Variants in LGR6 observed in about 807,000 individuals in gnomAD.
LGR6 encodes leucine rich repeat containing G protein-coupled receptor 6.
Under a neutral mutation model 69.4 loss-of-function variants are expected in LGR6, and 45 were observed. That is an observed-to-expected ratio of 0.65 (90% CI 0.51 to 0.83). LGR6 has a LOEUF of 0.83. LGR6 is among the 40% of genes least tolerant of loss of function. LGR6 has a pLI of 0.00. For synonymous variants in LGR6, 538 were observed against 555.0 expected, an observed-to-expected ratio of 0.97 and a Z score of 0.43; for missense variants, 1,108 against 1,246.7, an observed-to-expected ratio of 0.89 and a Z score of 1.68.
chr1:202,270,489 A>C (rs1003563931), intron 4 of LGR6, among the ~76,000 whole-genome samples: 1 of 151,966 alleles, frequency 6.6e-6, no homozygotes, highest in Non-Finnish European at 1.5e-5. Context: ...TGATCTGCCC[A>C]CCTCAGCCTC....
In LGR6 at chr1:202,309,260, T is replaced by C. The variant is rs527942786; in HGVS notation, c.1406+84T>C. On this transcript the variant is annotated intron_variant, in intron 15 of 17. Transcript: ENST00000367278. ...GAGAGAAAGCCAGATGGCCCCACCCTGAGAAGAGCCTAGAGGCTTAGGGTT... is the reference window on the plus strand; with the variant it reads ...GAGAGAAAGCCAGATGGCCCCACCCCGAGAAGAGCCTAGAGGCTTAGGGTT... The C allele has an allele frequency of 3.2e-5, 49 of 1,531,212 alleles. 1 individual carries two copies. The South Asian group carries it at 5.9e-4, about 19-fold the overall frequency. The allele number at this position is 1,531,212 out of a possible 1,614,324, so 94.9% of individuals were successfully genotyped here. A position where few individuals can be genotyped will look rare whatever the true frequency, so the allele number is the denominator to read the frequency against.
At chr1:202,309,557 C>T (rs1653546778) in intron 15 of LGR6, among the ~76,000 whole-genome samples, 1 of 152,266 alleles carries the variant, frequency 6.6e-6, no homozygotes, top group Non-Finnish European at 1.5e-5. Context: ...GCCCAGGACA[C>T]TGATGGGTGG....
chr1:202,310,158 A>G, intron 15 of LGR6, 39 bp from the exon 16 acceptor site: 1 of 1,609,024 alleles, frequency 6.2e-7, no homozygotes, highest in Non-Finnish European at 8.5e-7. Context: ...GACCCCAAAG[A>G]TGCTGAGGCA....
chr1:202,277,672 G>A (rs116109161), intron 5 of LGR6, among the ~76,000 whole-genome samples: 2,122 of 152,212 alleles, frequency 0.014, 51 homozygotes, highest in African/African-American at 0.048. Flanking sequence ...AAAAAACTGT[G>A]AGATATAGCC....
chr1:202,206,043 T>C (rs1013927504), intron 1 of LGR6, among the ~76,000 whole-genome samples: 1 of 151,974 alleles, frequency 6.6e-6, no homozygotes, highest in Non-Finnish European at 1.5e-5. Context: ...CTGTAAACAG[T>C]TCCAGTGTAT....
rs1335856819 is a variant in LGR6 at position 202,318,248 on chromosome 1, G to T, written c.1945G>T (p.Ala649Ser). ...GLGCRATGFL[A>S]VLGSEASVLL... is the part of the protein sequence containing the mutation. The stretch of plus-strand genomic sequence containing the variant: ...AGGCTGCCGGGCCACTGGCTTCCTG[G>T]CAGTACTTGGGTCGGAGGCATCGGT... The change falls in exon 18 of 18, where the codon GCA becomes TCA. Residue 649 changes from alanine (A) to serine (S), a missense_variant. Ala to Ser is a moderately conservative substitution (Grantham distance 99). Coordinates refer to ENST00000367278, the MANE Select transcript of LGR6 (RefSeq NM_001017403.2). The T allele has an allele frequency of 6.2e-7, 1 of 1,611,282 alleles. No individual in the cohort carries two copies.
At chr1:202,213,842 C>A (rs1165105835) in intron 1 of LGR6, among the ~76,000 whole-genome samples, 1 of 152,124 alleles carries the variant, frequency 6.6e-6, no homozygotes, top group Non-Finnish European at 1.5e-5. Flanking sequence ...GCAGTCTGAC[C>A]CCAGAGCCAC....
intron 17 of LGR6, among the ~76,000 whole-genome samples, chr1:202,316,145 G>A (rs183716823): frequency 4.6e-5 from 7 of 152,274 alleles, no homozygotes; most frequent in African/African-American, 7.2e-5. Context: ...AGTCCGCTTC[G>A]TGTTGCTATA....
Position 202,209,169 on chromosome 1 carries a change from G to C in LGR6, c.212+14968G>C, listed in dbSNP as rs143023319. ...CCTCCTATTTTGGCCAGAGGGGAGAGAGCCCAAAGCTAACCCCTTCTTTGT... is the reference window on the plus strand; with the variant it reads ...CCTCCTATTTTGGCCAGAGGGGAGACAGCCCAAAGCTAACCCCTTCTTTGT... On this transcript the variant is annotated intron_variant, in intron 1 of 17. Transcript: ENST00000367278. Among the ~76,000 whole-genome samples, 661 of 152,236 alleles carry C rather than the reference G, an allele frequency of 4.3e-3. 3 individuals carry two copies. Among genetic ancestry groups the C allele is most frequent in the South Asian group, 0.021 (99 of 4,822 alleles).
intron 6 of LGR6, among the ~76,000 whole-genome samples, chr1:202,295,914 T>TGA (rs1553252758): frequency 5.1e-5 from 7 of 137,088 alleles, no homozygotes; most frequent in African/African-American, 1.6e-4. Context: ...TGTGTGTGTG[T>TGA]GACAATTATC....
chr1:202,225,297 C>T, intron 1 of LGR6, 126 bp from the exon 2 acceptor site: 2 of 799,346 alleles, frequency 2.5e-6, no homozygotes. Context: ...GCTTTGGAGT[C>T]AGAATGGCCT....
chr1:202,231,740 G>A (rs1020876272), intron 3 of LGR6, among the ~76,000 whole-genome samples: 3 of 152,148 alleles, frequency 2.0e-5, no homozygotes, highest in African/African-American at 4.8e-5. Flanking sequence ...ACCTTGTTAC[G>A]ACATCAGCAC....
intron 11 of LGR6, 67 bp from the exon 12 acceptor site, chr1:202,305,617 C>T: frequency 1.4e-6 from 2 of 1,380,030 alleles, no homozygotes; most frequent in Middle Eastern, 2.4e-4. Context: ...GCTAGAGCCC[C>T]CCGTCCCCGA....
chr1:202,204,064 G>A (rs1658931864), intron 1 of LGR6, among the ~76,000 whole-genome samples: 1 of 152,002 alleles, frequency 6.6e-6, no homozygotes, highest in Non-Finnish European at 1.5e-5. Context: ...GGTTCCTTGT[G>A]GACAGGAGCT....
At chr1:202,266,714 A>G (rs1490725090) in intron 4 of LGR6, among the ~76,000 whole-genome samples, 1 of 152,010 alleles carries the variant, frequency 6.6e-6, no homozygotes, top group Non-Finnish European at 1.5e-5. Flanking sequence ...AGAAATGCTC[A>G]TTACCCTCAT....
At chr1:202,199,721 C>T (rs1222733065) in intron 1 of LGR6, among the ~76,000 whole-genome samples, 1 of 152,140 alleles carries the variant, frequency 6.6e-6, no homozygotes, top group South Asian at 2.1e-4. Flanking sequence ...CCCTGCTGGG[C>T]GCAGGCTTGA....
At chr1:202,234,871 A>T (rs1182179315) in intron 3 of LGR6, among the ~76,000 whole-genome samples, 1 of 152,162 alleles carries the variant, frequency 6.6e-6, no homozygotes, top group East Asian at 1.9e-4. Context: ...ATAAAGGGGT[A>T]ATTGAGTCTC....
chr1:202,258,037 A>C (rs1663923399), intron 4 of LGR6, among the ~76,000 whole-genome samples: 1 of 151,898 alleles, frequency 6.6e-6, no homozygotes, highest in Non-Finnish European at 1.5e-5. Flanking sequence ...GTTTTTGTTA[A>C]ATTTATTCCT....
At chr1:202,296,765 C>A (rs1256984622) in intron 6 of LGR6, among the ~76,000 whole-genome samples, 1 of 152,186 alleles carries the variant, frequency 6.6e-6, no homozygotes, top group Non-Finnish European at 1.5e-5. Flanking sequence ...CTTATCCTTA[C>A]ACATTCCTAG....
Sources: allele counts gnomAD v4.1 joint callset (sites outside exome capture counted in the v4.1 genomes callset), GRCh38; gene constraint gnomAD v4.1.1; transcripts MANE v1.5; gene names NCBI Gene and HGNC (gene_info 2026-07-23, HGNC 2026-07-21).